The following BASP1 variants were observed in gnomAD, a reference collection of about 807,000 sequenced individuals.
BASP1 encodes brain abundant membrane attached signal protein 1.
In BASP1, 1 loss-of-function variant was observed where a neutral mutation model predicts 2.2. The ratio of observed to expected loss-of-function variants is 0.46; its 90% CI spans 0.16 to 2.17. The LOEUF (loss-of-function observed/expected upper bound fraction) is 2.17, where lower values mean the gene tolerates loss of function less well. BASP1 is among the 30% of genes most tolerant of loss of function. The pLI is 0.27. For missense variants in BASP1, 352 were observed against 327.2 expected, an observed-to-expected ratio of 1.08 and a Z score of -0.58; for synonymous variants, 187 against 154.2, an observed-to-expected ratio of 1.21 and a Z score of -1.58.
At chr5:17,239,184 C>T (rs755034829) in intron 1 of BASP1, among the ~76,000 whole-genome samples, 1 of 152,064 alleles carries the variant, frequency 6.6e-6, no homozygotes, top group Non-Finnish European at 1.5e-5. Flanking sequence ...ACCTCTGCCT[C>T]CCGGGTTCAA....
Position 17,275,490 on chromosome 5 carries a change from G to A in BASP1, c.274G>A (p.Gly92Ser), listed in dbSNP as rs1240917938. The change falls in exon 2 of 2, where the codon GGC becomes AGC. Residue 92 changes from glycine (G) to serine (S), a missense_variant. Transcript: ENST00000322611. The surrounding 1 kb of genome is among the most constrained non-coding windows in gnomAD (Gnocchi z 5.3). ...GAAGGCGGAGCCCGAGAAGACGGAG[G>A]GCGCGGCAGAGGCCAAGGCTGAGCC... ...APKAEPEKTE[G>S]AAEAKAEPPK... 2.0e-6 allele frequency: 3 copies of A among 1,480,488 alleles called. No homozygotes were observed. Among genetic ancestry groups the A allele is most frequent in the Non-Finnish European group, 2.7e-6 (3 of 1,118,534 alleles). The allele number at this position is 1,480,488 out of a possible 1,614,324, so 91.7% of individuals were successfully genotyped here.
At chr5:17,268,832 A>G (rs1246165689) in intron 1 of BASP1, among the ~76,000 whole-genome samples, 1 of 152,202 alleles carries the variant, frequency 6.6e-6, no homozygotes, top group African/African-American at 2.4e-5. Flanking sequence ...CAATAGTAAG[A>G]AGGAGTTTAC....
At chr5:17,269,178 G>A (rs1334084252) in intron 1 of BASP1, among the ~76,000 whole-genome samples, 1 of 152,204 alleles carries the variant, frequency 6.6e-6, no homozygotes, top group Non-Finnish European at 1.5e-5. Flanking sequence ...TCCTAGGCAT[G>A]AAGAAGTTAG....
intron 1 of BASP1, among the ~76,000 whole-genome samples, chr5:17,230,461 A>T (rs1252302895): frequency 6.6e-6 from 1 of 152,176 alleles, no homozygotes; most frequent in Non-Finnish European, 1.5e-5. Flanking sequence ...AAGCAATAAA[A>T]CAAGTAGTGA....
intron 1 of BASP1, among the ~76,000 whole-genome samples, chr5:17,232,465 G>A (rs917342396): frequency 2.6e-5 from 4 of 152,148 alleles, no homozygotes; most frequent in African/African-American, 9.7e-5. Context: ...CTAATTCTGC[G>A]CTGTGACTAC....
chr5:17,263,619 CT>C (rs1740362722), intron 1 of BASP1, among the ~76,000 whole-genome samples: 1 of 152,172 alleles, frequency 6.6e-6, no homozygotes, highest in Admixed American at 6.5e-5. Context: ...GATTAATCTT[CT>C]TTTGTATTAG....
intron 1 of BASP1, among the ~76,000 whole-genome samples, chr5:17,237,970 A>G (rs1739784457): frequency 6.6e-6 from 1 of 152,168 alleles, no homozygotes; most frequent in Admixed American, 6.5e-5. Context: ...CCAAGCATGT[A>G]TGAAACACAA....
At chr5:17,237,936 A>C (rs917018509) in intron 1 of BASP1, among the ~76,000 whole-genome samples, 4 of 152,028 alleles carry the variant, frequency 2.6e-5, no homozygotes, top group African/African-American at 9.7e-5. Context: ...CTAAAGTAAG[A>C]TTACCTGTAG....
At chr5:17,228,322 T>G (rs547097232) in intron 1 of BASP1, among the ~76,000 whole-genome samples, 19 of 152,292 alleles carry the variant, frequency 1.2e-4, no homozygotes, top group African/African-American at 4.6e-4. Flanking sequence ...CTGACCACAA[T>G]GCAGAGAGAG....
rs1173057648 is a variant in BASP1, at chr5:17,236,076, TGTGTGGCCCAAGACAATTCTTCCA to T, written c.-10+18277_-10+18300del. On this transcript the variant is annotated intron_variant, in intron 1 of 1. Transcript: ENST00000322611. The surrounding 1 kb of genome is among the most constrained non-coding windows in gnomAD (Gnocchi z 4.0). ...CATTAGCTATTGTTAGCGTATTTTA[TGTGTGGCCCAAGACAATTCTTCCA>T]GTGTGGCCCAGGGAAGCCAAAAGAT... is the stretch of plus-strand genomic sequence containing the variant. Among the ~76,000 whole-genome samples the T allele has an allele frequency of 6.6e-6, 1 of 152,160 alleles. No individual in the cohort carries two copies. Among genetic ancestry groups the T allele is most frequent in the African/African-American group, 2.4e-5 (1 of 41,436 alleles).
At chr5:17,223,878 A>G (rs1442784435) in intron 1 of BASP1, among the ~76,000 whole-genome samples, 1 of 152,204 alleles carries the variant, frequency 6.6e-6, no homozygotes, top group Non-Finnish European at 1.5e-5. Context: ...TTTACATTCC[A>G]TATTATTCCC....
At chr5:17,262,721 A>C (rs1430206371) in intron 1 of BASP1, among the ~76,000 whole-genome samples, 1 of 151,684 alleles carries the variant, frequency 6.6e-6, no homozygotes, top group Non-Finnish European at 1.5e-5. Flanking sequence ...ATAACGTTTG[A>C]CTTACTCTCA....
chr5:17,263,497 C>A (rs1048373781), intron 1 of BASP1, among the ~76,000 whole-genome samples: 4 of 152,146 alleles, frequency 2.6e-5, no homozygotes, highest in African/African-American at 7.2e-5. Flanking sequence ...CATTGCTCAC[C>A]TCAGATATTT....
At chr5:17,225,294 C>T in intron 1 of BASP1, among the ~76,000 whole-genome samples, 1 of 151,836 alleles carries the variant, frequency 6.6e-6, no homozygotes, top group Non-Finnish European at 1.5e-5. Context: ...AGTCTGGATC[C>T]TATATCCGTC....
At chr5:17,243,273 C>T (rs546428481) in intron 1 of BASP1, among the ~76,000 whole-genome samples, 4 of 152,118 alleles carry the variant, frequency 2.6e-5, no homozygotes, top group African/African-American at 4.8e-5. Context: ...CTTAACCCCC[C>T]GAGTAGCTGG....
intron 1 of BASP1, among the ~76,000 whole-genome samples, chr5:17,262,978 CTG>C (rs936384789): frequency 1.3e-5 from 2 of 152,088 alleles, no homozygotes; most frequent in African/African-American, 4.8e-5. Flanking sequence ...TCCCGAGTAA[CTG>C]AGACTACAGG....
chr5:17,275,879 A>G lies in BASP1; in HGVS notation c.663A>G (p.Gln221=). ...PVEAPAANSD[Q]TVTVKE ...AGGCCCCGGCAGCTAATTCCGACCAAACCGTAACCGTGAAAGAGTGACAAG... is the reference window on the plus strand; with the variant it reads ...AGGCCCCGGCAGCTAATTCCGACCAGACCGTAACCGTGAAAGAGTGACAAG... The change falls in exon 2 of 2, where the codon CAA becomes CAG. Residue 221 remains glutamine (Q), a synonymous_variant. Coordinates refer to ENST00000322611, the MANE Select transcript of BASP1 (RefSeq NM_006317.5). The surrounding 1 kb of genome is among the most constrained non-coding windows in gnomAD (Gnocchi z 5.3). 3 of 1,593,342 alleles carry G rather than the reference A, an allele frequency of 1.9e-6. No homozygotes were observed. Among genetic ancestry groups the G allele is most frequent in the Non-Finnish European group, 2.6e-6 (3 of 1,171,784 alleles).
intron 1 of BASP1, among the ~76,000 whole-genome samples, chr5:17,253,439 C>T (rs1252286167): frequency 6.6e-6 from 1 of 152,156 alleles, no homozygotes; most frequent in East Asian, 1.9e-4. Flanking sequence ...TCTGGAACCC[C>T]TGGACTGAAG....
Position 17,220,530 on chromosome 5 carries a change from C to G in BASP1, c.-10+2720C>G, listed in dbSNP as rs567641656. Among the ~76,000 whole-genome samples, 12 of 152,232 alleles carry G rather than the reference C, an allele frequency of 7.9e-5. No homozygotes were observed. In the East Asian group the frequency reaches 2.1e-3, roughly 27 times the overall value. ...CTATCAGTTCGCTTATTCTTTTAGCCAGCTAGCTTTTTGCCAAGCTTTAGC... is the reference window on the plus strand; with the variant it reads ...CTATCAGTTCGCTTATTCTTTTAGCGAGCTAGCTTTTTGCCAAGCTTTAGC... On this transcript the variant is annotated intron_variant, in intron 1 of 1. Transcript: ENST00000322611.
Sources: gnomAD v4.1 joint callset for allele counts (sites outside exome capture counted in the v4.1 genomes callset) on GRCh38, gnomAD v4.1.1 for gene constraint, Gnocchi (gnomAD v3.1) non-coding constraint, MANE v1.5 for transcripts, NCBI Gene and HGNC (gene_info 2026-07-23, HGNC 2026-07-21) for gene names.